The following AGTPBP1 variants were observed in gnomAD, a reference collection of about 807,000 sequenced individuals.
AGTPBP1 encodes the protein ATP/GTP binding carboxypeptidase 1, also known as cytosolic carboxypeptidase 1.
In AGTPBP1, 70 loss-of-function variants were observed where a neutral mutation model predicts 143.9. That is an observed-to-expected ratio of 0.49 (90% CI 0.40 to 0.59). The LOEUF (loss-of-function observed/expected upper bound fraction) is 0.59. Among genes scored for constraint, AGTPBP1 ranks in the 20% least tolerant of loss-of-function variants. The pLI is 0.00. For synonymous variants in AGTPBP1, 463 were observed against 500.2 expected (o/e 0.93, Z 0.99); for missense variants, 1,229 against 1,464.5 (o/e 0.84, Z 2.62).
intron 8 of AGTPBP1, among the ~76,000 whole-genome samples, chr9:85,662,806 G>C (rs1833922239): frequency 6.6e-6 from 1 of 152,148 alleles, no homozygotes; most frequent in Non-Finnish European, 1.5e-5. Context: ...GTCTCCCTTT[G>C]AGAAGGCTAT....
At chr9:85,569,175 T>C (rs1232596581) in intron 25 of AGTPBP1, among the ~76,000 whole-genome samples, 1 of 152,186 alleles carries the variant, frequency 6.6e-6, no homozygotes, top group African/African-American at 2.4e-5. Flanking sequence ...TAATTAACTA[T>C]GGCTGTTGTT....
At chr9:85,667,571 T>C (rs1834202240) in intron 8 of AGTPBP1, among the ~76,000 whole-genome samples, 1 of 152,126 alleles carries the variant, frequency 6.6e-6, no homozygotes, top group Admixed American at 6.6e-5. Flanking sequence ...TCAACTCAAT[T>C]ATCTTAAGTG....
chr9:85,566,423 A>G (rs752227247), intron 25 of AGTPBP1, among the ~76,000 whole-genome samples: 6 of 147,702 alleles, frequency 4.1e-5, no homozygotes, highest in Non-Finnish European at 6.0e-5. Flanking sequence ...CCAGCTACTT[A>G]GGAGGCCGAG....
chr9:85,783,448 T>C, the AGTPBP1 span, among the ~76,000 whole-genome samples: 3 of 152,198 alleles, frequency 2.0e-5, no homozygotes, highest in East Asian at 3.8e-4. Context: ...TGCAATTATA[T>C]TGGGGATATA....
At position 85,646,351 on chromosome 9, in the gene AGTPBP1, C is replaced by T. The variant is rs1832806890; in HGVS notation, c.1155G>A (p.Glu385=). The change falls in exon 12 of 26, where the codon GAG becomes GAA. Residue 385 remains glutamate (E), a synonymous_variant. Coordinates refer to ENST00000357081, the MANE Select transcript of AGTPBP1 (RefSeq NM_001330701.2). The stretch of plus-strand genomic sequence containing the variant: ...AATTTTGATCTAGGTCATCTTCATT[C>T]TCAGTTTCGTTTTCAGCTTCTACAT... ...DIDVEAENET[E]NEDDLDQNFK... is the part of the protein sequence containing the mutation. The T allele has an allele frequency of 6.2e-7, 1 of 1,612,882 alleles. No individual in the cohort carries two copies. Among genetic ancestry groups the T allele is most frequent in the Non-Finnish European group, 8.5e-7 (1 of 1,179,680 alleles).
intron 1 of AGTPBP1, among the ~76,000 whole-genome samples, chr9:85,728,076 C>T (rs11141078): frequency 0.19 from 27,567 of 144,098 alleles, 4,261 homozygotes; most frequent in East Asian, 0.74. Context: ...CACACACACA[C>T]ATATTTACTT....
In AGTPBP1 at chr9:85,741,858, C is replaced by A. The variant is rs771993048; in HGVS notation, c.-117G>T. The A allele has an allele frequency of 2.1e-6, 3 of 1,398,096 alleles. No homozygotes were observed. Among genetic ancestry groups the A allele is most frequent in the South Asian group, 3.0e-5 (2 of 66,096 alleles). 86.6% of individuals were successfully genotyped at this position (1,398,096 alleles called of 1,614,324 possible). A position where few individuals can be genotyped will look rare whatever the true frequency, so the allele number is the denominator to read the frequency against. ...CTGGATCACGGCGGATCCCTCGCCG[C>A]CCGCCGCCCGGTGTTTTCATACAAA... On this transcript the variant is annotated 5_prime_UTR_variant, in exon 1 of 26. Coordinates refer to ENST00000357081, the MANE Select transcript of AGTPBP1 (RefSeq NM_001330701.2).
At chr9:85,709,739 T>A (rs1178338164) in intron 2 of AGTPBP1, among the ~76,000 whole-genome samples, 1 of 152,132 alleles carries the variant, frequency 6.6e-6, no homozygotes, top group Non-Finnish European at 1.5e-5. Context: ...CAGATTATAG[T>A]TGGAGAATGA....
At chr9:85,576,947 G>A (rs1411974731) in intron 24 of AGTPBP1, among the ~76,000 whole-genome samples, 1 of 151,710 alleles carries the variant, frequency 6.6e-6, no homozygotes, top group African/African-American at 2.4e-5. Flanking sequence ...AGAAAAATGA[G>A]TATTTATTAG....
chr9:85,696,361 T>C (rs868306884), intron 2 of AGTPBP1, among the ~76,000 whole-genome samples: 33 of 152,146 alleles, frequency 2.2e-4, no homozygotes, highest in African/African-American at 7.5e-4. Context: ...AATTTCTTAA[T>C]ATTGTGTAAA....
At position 85,741,489 on chromosome 9, in the gene AGTPBP1, C is replaced by A. The variant is rs187082631; in HGVS notation, c.-34+286G>T. On this transcript the variant is annotated intron_variant, in intron 1 of 25. Transcript: ENST00000357081. The stretch of plus-strand genomic sequence containing the variant: ...CTCCGCCCAGAGACCGCGCCCGATA[C>A]CCTCCGCAAGGTCTGGGACGGGGAT... 1.0e-5 allele frequency: 10 copies of A among 985,392 alleles called. No homozygotes were observed. The South Asian group carries it at 4.2e-4, about 42-fold the overall frequency. 61.0% of individuals were successfully genotyped at this position (985,392 alleles called of 1,614,324 possible).
At position 85,660,894 on chromosome 9, in the gene AGTPBP1, C is replaced by G. The variant is rs745377699; in HGVS notation, c.700+42G>C. The G allele has an allele frequency of 5.1e-6, 7 of 1,380,948 alleles. No homozygotes were observed. The Admixed American group carries it at 1.4e-4, about 28-fold the overall frequency. The allele number at this position is 1,380,948 out of a possible 1,614,324, so 85.5% of individuals were successfully genotyped here. ...TCTTTAACATAATAAATAGAATTCT[C>G]AGAAAAATAGTATCTAGTATTTCTA... On this transcript the variant is annotated intron_variant, in intron 9 of 25. Coordinates refer to ENST00000357081, the MANE Select transcript of AGTPBP1 (RefSeq NM_001330701.2).
intron 11 of AGTPBP1, among the ~76,000 whole-genome samples, chr9:85,650,457 T>C (rs1833091716): frequency 6.6e-6 from 1 of 152,218 alleles, no homozygotes; most frequent in South Asian, 2.1e-4. Context: ...CTTATGACTT[T>C]TCAAATAACA....
At chr9:85,776,845 T>C in the AGTPBP1 span, among the ~76,000 whole-genome samples, 1 of 152,184 alleles carries the variant, frequency 6.6e-6, no homozygotes, top group Non-Finnish European at 1.5e-5. Flanking sequence ...AATGGATCAC[T>C]AGGGGTGATG....
At chr9:85,740,721 T>A (rs1229205211) in intron 1 of AGTPBP1, among the ~76,000 whole-genome samples, 1 of 152,226 alleles carries the variant, frequency 6.6e-6, no homozygotes, top group African/African-American at 2.4e-5. Flanking sequence ...AATGACCGAT[T>A]AAGAAGACTG....
At chr9:85,708,694 C>T (rs1229073177) in intron 2 of AGTPBP1, among the ~76,000 whole-genome samples, 6 of 152,104 alleles carry the variant, frequency 3.9e-5, no homozygotes, top group East Asian at 3.9e-4. Context: ...TCCACCACCA[C>T]GCCCGTAGTT....
At chr9:85,678,221 C>A in intron 5 of AGTPBP1, 114 bp downstream of exon 5, 1 of 626,588 alleles carries the variant, frequency 1.6e-6, no homozygotes. Flanking sequence ...TTTCTAATTC[C>A]AATACTCAGA....
the AGTPBP1 span, among the ~76,000 whole-genome samples, chr9:85,780,930 C>T: frequency 2.0e-5 from 3 of 152,122 alleles, no homozygotes; most frequent in East Asian, 1.9e-4. Flanking sequence ...TCCTGGCTAA[C>T]ATGATGAAAC....
At chr9:85,781,356 A>C in the AGTPBP1 span, 2 of 1,559,266 alleles carry the variant, frequency 1.3e-6, no homozygotes, top group Non-Finnish European at 1.7e-6. Context: ...GGCAACTAGC[A>C]TCATCAGAGT....
Sources: allele counts gnomAD v4.1 joint callset (sites outside exome capture counted in the v4.1 genomes callset), GRCh38; gene constraint gnomAD v4.1.1; transcripts MANE v1.5; gene names NCBI Gene and HGNC (gene_info 2026-07-23, HGNC 2026-07-21).